Variants in NRG3 observed in about 807,000 individuals in gnomAD.
NRG3 encodes pro-neuregulin-3, membrane-bound isoform.
NRG3 carries 31 observed loss-of-function variants against 66.9 expected under a neutral mutation model. The observed-to-expected ratio is 0.46, with a 90% CI of 0.35 to 0.63. The LOEUF (loss-of-function observed/expected upper bound fraction) is 0.63. NRG3 is among the 20% of genes least tolerant of loss of function. NRG3 has a pLI of 0.00. For missense variants in NRG3, 910 were observed against 878.9 expected, an observed-to-expected ratio of 1.04 and a Z score of -0.45; for synonymous variants, 393 against 359.4, an observed-to-expected ratio of 1.09 and a Z score of -1.06.
At chr10:82,942,516 G>A (rs981053671) in intron 4 of NRG3, among the ~76,000 whole-genome samples, 3 of 152,218 alleles carry the variant, frequency 2.0e-5, no homozygotes, top group Admixed American at 1.3e-4. Context: ...AGGACAAAGA[G>A]CACAATTTAT....
In NRG3 at chr10:81,976,800, C is replaced by A. The variant is rs1435061483; in HGVS notation, c.823+100637C>A. On this transcript the variant is annotated intron_variant, in intron 1 of 8. Coordinates refer to ENST00000372141, the MANE Select transcript of NRG3 (RefSeq NM_001010848.4). ...GCTAATTTCTATTGGACATTAAATT[C>A]TATAGGAAGGTGAAGATTAGTCTAT... is the stretch of plus-strand genomic sequence containing the variant. 4.6e-5 allele frequency among the ~76,000 whole-genome samples: 7 copies of A among 152,210 alleles called. No individual in the cohort carries two copies. The East Asian group carries it at 1.4e-3, about 29-fold the overall frequency.
At chr10:82,877,908 G>A (rs1841980217) in intron 4 of NRG3, among the ~76,000 whole-genome samples, 1 of 152,136 alleles carries the variant, frequency 6.6e-6, no homozygotes. Flanking sequence ...CAAAGTCTTA[G>A]GTGTATTCTA....
chr10:82,873,280 C>G (rs1298042477), intron 4 of NRG3, among the ~76,000 whole-genome samples: 1 of 152,086 alleles, frequency 6.6e-6, no homozygotes, highest in East Asian at 1.9e-4. Context: ...GTTTTTGAAA[C>G]AAAGAGAGTT....
Position 82,987,075 on chromosome 10 carries a change from T to C in NRG3, c.*1470T>C, listed in dbSNP as rs1853479456. ...TTTACCCTCACTTTCATGGGACATA[T>C]GAGGAAATTAGTGTTCACATATCCA... On this transcript the variant is annotated 3_prime_UTR_variant, in exon 9 of 9. Transcript: ENST00000372141. The C allele has an allele frequency of 6.6e-6, 1 of 152,214 alleles. No homozygotes were observed. Among genetic ancestry groups the C allele is most frequent in the Non-Finnish European group, 1.5e-5 (1 of 68,030 alleles). 9.4% of individuals were successfully genotyped at this position (152,214 alleles called of 1,614,324 possible).
chr10:82,486,589 A>G (rs192000842), intron 2 of NRG3, among the ~76,000 whole-genome samples: 2 of 152,092 alleles, frequency 1.3e-5, no homozygotes, highest in East Asian at 3.9e-4. Context: ...TAATTTTGGT[A>G]TTTTTAGTAG....
At chr10:82,707,091 A>C (rs1380433110) in intron 2 of NRG3, among the ~76,000 whole-genome samples, 1 of 149,622 alleles carries the variant, frequency 6.7e-6, no homozygotes, top group Non-Finnish European at 1.5e-5. Flanking sequence ...AAACAAAATG[A>C]ATACTTTTGT....
intron 2 of NRG3, among the ~76,000 whole-genome samples, chr10:82,655,903 T>C (rs1426949915): frequency 1.3e-5 from 2 of 152,132 alleles, no homozygotes; most frequent in Non-Finnish European, 2.9e-5. Context: ...TTTGTAAAAT[T>C]TTCTCATTCA....
At chr10:81,971,277 A>C (rs1589642622) in intron 1 of NRG3, among the ~76,000 whole-genome samples, 1 of 152,228 alleles carries the variant, frequency 6.6e-6, no homozygotes, top group Admixed American at 6.5e-5. Flanking sequence ...TCTGTTGGAC[A>C]TGTGGGTATG....
At chr10:82,619,420 C>G (rs2048888317) in intron 2 of NRG3, among the ~76,000 whole-genome samples, 1 of 152,114 alleles carries the variant, frequency 6.6e-6, no homozygotes, top group Admixed American at 6.5e-5. Flanking sequence ...ACCATGGAAA[C>G]TAGCCAAGGG....
intron 2 of NRG3, among the ~76,000 whole-genome samples, chr10:82,476,953 G>A (rs539302020): frequency 1.8e-4 from 28 of 152,226 alleles, no homozygotes; most frequent in Admixed American, 5.9e-4. Context: ...CGTGAGTTCC[G>A]AGTTCATCCA....
intron 1 of NRG3, among the ~76,000 whole-genome samples, chr10:82,243,212 G>A (rs989204065): frequency 3.3e-5 from 5 of 151,964 alleles, no homozygotes; most frequent in African/African-American, 1.2e-4. Flanking sequence ...TAAAAATACT[G>A]GATATGTAAA....
chr10:81,930,189 C>G (rs112674471), intron 1 of NRG3, among the ~76,000 whole-genome samples: 2 of 152,150 alleles, frequency 1.3e-5, no homozygotes, highest in African/African-American at 4.8e-5. Flanking sequence ...TCAACTCAAA[C>G]TGGTACACTG....
At chr10:82,055,455 C>T (rs1391897034) in intron 1 of NRG3, among the ~76,000 whole-genome samples, 9 of 137,980 alleles carry the variant, frequency 6.5e-5, no homozygotes, top group East Asian at 2.1e-4. Flanking sequence ...CCAGCCTGGG[C>T]GACAGAGTGA....
At chr10:82,645,324 C>T (rs1204689288) in intron 2 of NRG3, among the ~76,000 whole-genome samples, 6 of 152,144 alleles carry the variant, frequency 3.9e-5, no homozygotes, top group Non-Finnish European at 7.4e-5. Flanking sequence ...TGCATGAGAT[C>T]AAAATACCAG....
intron 2 of NRG3, among the ~76,000 whole-genome samples, chr10:82,627,672 G>A (rs1298437253): frequency 1.3e-5 from 2 of 152,054 alleles, no homozygotes; most frequent in African/African-American, 2.4e-5. Flanking sequence ...CACAGACAGT[G>A]CCATTGCAGT....
chr10:82,254,200 G>A (rs1470873423), intron 1 of NRG3, among the ~76,000 whole-genome samples: 1 of 152,138 alleles, frequency 6.6e-6, no homozygotes, highest in East Asian at 1.9e-4. Flanking sequence ...ATTAAGAATG[G>A]AAGGTTCCAG....
At chr10:82,944,086 A>T (rs1355399561) in intron 4 of NRG3, among the ~76,000 whole-genome samples, 3 of 152,206 alleles carry the variant, frequency 2.0e-5, no homozygotes, top group African/African-American at 7.2e-5. Flanking sequence ...TATGAATCAA[A>T]TGCACTGATA....
intron 1 of NRG3, among the ~76,000 whole-genome samples, chr10:82,290,785 C>A (rs1381741628): frequency 1.3e-5 from 2 of 149,510 alleles, no homozygotes; most frequent in Non-Finnish European, 3.0e-5. Context: ...AGGCATCCAC[C>A]ACCACGCCTG....
intron 2 of NRG3, among the ~76,000 whole-genome samples, chr10:82,630,325 G>A (rs1414524605): frequency 2.7e-5 from 4 of 150,346 alleles, no homozygotes; most frequent in South Asian, 2.1e-4. Context: ...AGCATTTGTG[G>A]ACAGGGTGAG....
Sources: allele counts gnomAD v4.1 joint callset (sites outside exome capture counted in the v4.1 genomes callset), GRCh38; gene constraint gnomAD v4.1.1; transcripts MANE v1.5; gene names NCBI Gene and HGNC (gene_info 2026-07-23, HGNC 2026-07-21).